The following ILRUN variants were observed in gnomAD, a reference collection of about 807,000 sequenced individuals.
The protein encoded by ILRUN is inflammation and lipid regulator with UBA-like and NBR1-like domains.
ILRUN carries 3 observed loss-of-function variants against 33.8 expected under a neutral mutation model. That is an observed-to-expected ratio of 0.09 (90% confidence interval 0.04 to 0.23). The LOEUF (loss-of-function observed/expected upper bound fraction) is 0.23. Among genes scored for constraint, ILRUN ranks in the 10% least tolerant of loss-of-function variants. The pLI is 1.00. For missense variants in ILRUN, 210 were observed against 375.1 expected (o/e 0.56, Z 3.64); for synonymous variants, 124 against 138.9 (o/e 0.89, Z 0.75).
chr6:34,603,065 G>A (rs1761547316), intron 4 of ILRUN, among the ~76,000 whole-genome samples: 1 of 152,284 alleles, frequency 6.6e-6, no homozygotes, highest in Non-Finnish European at 1.5e-5. Context: ...GAAACTACCT[G>A]CCTACTAAAA....
chr6:34,688,531 G>C (rs553558589), intron 1 of ILRUN, among the ~76,000 whole-genome samples: 1 of 151,788 alleles, frequency 6.6e-6, no homozygotes, highest in Non-Finnish European at 1.5e-5. Context: ...CAAAAAAAAA[G>C]GCTGGGCACA....
chr6:34,622,216 G>C (rs1418945608), intron 3 of ILRUN, among the ~76,000 whole-genome samples: 5 of 152,186 alleles, frequency 3.3e-5, no homozygotes, highest in Middle Eastern at 3.4e-3. Flanking sequence ...GACACCAAAA[G>C]CTAATAAATT....
At chr6:34,618,127 T>A (rs1761936769) in intron 3 of ILRUN, among the ~76,000 whole-genome samples, 2 of 152,186 alleles carry the variant, frequency 1.3e-5, no homozygotes, top group South Asian at 4.2e-4. Flanking sequence ...GCCATGGAAT[T>A]AAGAGTAAAA....
At chr6:34,597,088 C>T (rs1049950757) in intron 4 of ILRUN, among the ~76,000 whole-genome samples, 1 of 152,176 alleles carries the variant, frequency 6.6e-6, no homozygotes, top group African/African-American at 2.4e-5. Flanking sequence ...CCACAGCCTT[C>T]ACTCACCCCC....
At chr6:34,670,688 TA>T (rs1217976437) in intron 1 of ILRUN, among the ~76,000 whole-genome samples, 35 of 144,760 alleles carry the variant, frequency 2.4e-4, no homozygotes, top group Admixed American at 2.1e-4. Flanking sequence ...CTGTCTCTAC[TA>T]AAAAAAAAAT....
chr6:34,669,536 A>G (rs73413824), intron 1 of ILRUN, among the ~76,000 whole-genome samples: 4,696 of 152,158 alleles, frequency 0.031, 193 homozygotes, highest in African/African-American at 0.09. Flanking sequence ...AGAACCACAC[A>G]ACTTGTACAT....
intron 4 of ILRUN, among the ~76,000 whole-genome samples, chr6:34,602,763 A>T (rs1431939410): frequency 6.6e-6 from 1 of 152,210 alleles, no homozygotes. Context: ...GCGAGTCAGC[A>T]TATATTTACT....
intron 3 of ILRUN, among the ~76,000 whole-genome samples, chr6:34,635,561 AAGGAAGGGAGGGAGGGAGGG>A (rs1762347074): frequency 7.7e-6 from 1 of 130,130 alleles, no homozygotes; most frequent in African/African-American, 2.9e-5. Flanking sequence ...GGAAGGAAGG[AAGGAAGGGAGGGAGGGAGGG>A]AGGGAGGGAG....
chr6:34,689,126 T>C (rs1005448745), intron 1 of ILRUN, among the ~76,000 whole-genome samples: 2 of 152,140 alleles, frequency 1.3e-5, no homozygotes, highest in Admixed American at 6.6e-5. Context: ...GTGGTGGTGG[T>C]TGCACAACAC....
At chr6:34,612,776 C>T (rs888778862) in intron 3 of ILRUN, among the ~76,000 whole-genome samples, 2 of 152,150 alleles carry the variant, frequency 1.3e-5, no homozygotes, top group African/African-American at 2.4e-5. Context: ...GGTGCAGTGG[C>T]TCACGCCTGC....
chr6:34,660,316 TA>T (rs1554187420), intron 1 of ILRUN, among the ~76,000 whole-genome samples: 1 of 148,618 alleles, frequency 6.7e-6, no homozygotes, highest in Non-Finnish European at 1.5e-5. Context: ...TAAATAAATT[TA>T]AAAAATCAGA....
At chr6:34,618,751 C>T (rs1761950565) in intron 3 of ILRUN, among the ~76,000 whole-genome samples, 1 of 152,218 alleles carries the variant, frequency 6.6e-6, no homozygotes, top group Non-Finnish European at 1.5e-5. Flanking sequence ...CTTTTCCTTA[C>T]AGTCTTCCCT....
At chr6:34,595,651 T>C in intron 4 of ILRUN, 1 of 578,912 alleles carries the variant, frequency 1.7e-6, no homozygotes, top group Non-Finnish European at 2.2e-6. Flanking sequence ...ATTTTTGCAT[T>C]ACTCTTTCTG....
At chr6:34,606,341 T>A (rs1412073830) in intron 4 of ILRUN, among the ~76,000 whole-genome samples, 1 of 152,170 alleles carries the variant, frequency 6.6e-6, no homozygotes, top group Non-Finnish European at 1.5e-5. Context: ...AAATTATAAA[T>A]GTGGATGAAG....
At chr6:34,605,318 CAAAAAAAAA>C (rs78612898) in intron 4 of ILRUN, among the ~76,000 whole-genome samples, 3 of 74,134 alleles carry the variant, frequency 4.0e-5, no homozygotes, top group Admixed American at 1.7e-4. Context: ...AAAACAAAAA[CAAAAAAAAA>C]AAAAAAAAAA....
Position 34,660,853 on chromosome 6 carries a change from A to G in ILRUN, c.159-6074T>C, listed in dbSNP as rs114873723. 9.0e-3 allele frequency among the ~76,000 whole-genome samples: 1,374 copies of G among 152,330 alleles called. 10 individuals carry two copies. Among genetic ancestry groups the G allele is most frequent in the Middle Eastern group, 0.024 (7 of 294 alleles). ...CATTGAAACAGAAAGATGACCGCAA[A>G]TAGGGAATTCAAGTTGGGCTAAAGG... is the stretch of plus-strand genomic sequence containing the variant. On this transcript the variant is annotated intron_variant, in intron 1 of 4. Coordinates refer to ENST00000374023, the MANE Select transcript of ILRUN (RefSeq NM_024294.4).
intron 1 of ILRUN, among the ~76,000 whole-genome samples, chr6:34,683,115 C>T (rs1414354859): frequency 6.7e-6 from 1 of 149,648 alleles, no homozygotes; most frequent in Non-Finnish European, 1.5e-5. Context: ...GACCCTGTCT[C>T]AAAAAAATAT....
At chr6:34,604,954 T>C (rs1405723733) in intron 4 of ILRUN, among the ~76,000 whole-genome samples, 1 of 152,362 alleles carries the variant, frequency 6.6e-6, no homozygotes, top group East Asian at 1.9e-4. Context: ...CTAGACCATG[T>C]GAAAGAGGAC....
intron 1 of ILRUN, among the ~76,000 whole-genome samples, chr6:34,669,592 G>A (rs1763075385): frequency 6.6e-6 from 1 of 152,150 alleles, no homozygotes; most frequent in African/African-American, 2.4e-5. Flanking sequence ...ATTACTGCCT[G>A]TGTATTAAAT....
Sources: gnomAD v4.1 joint callset for allele counts (sites outside exome capture counted in the v4.1 genomes callset) on GRCh38, gnomAD v4.1.1 for gene constraint, MANE v1.5 for transcripts, NCBI Gene and HGNC (gene_info 2026-07-23, HGNC 2026-07-21) for gene names.